The following FHIP1B variants were observed in gnomAD, a reference collection of about 807,000 sequenced individuals.
FHIP1B encodes FHF complex subunit HOOK-interacting protein 1B.
Under a neutral mutation model 82.2 loss-of-function variants are expected in FHIP1B, and 28 were observed. That is an observed-to-expected ratio of 0.34 (90% confidence interval 0.25 to 0.47). FHIP1B has a LOEUF of 0.47. FHIP1B is among the 20% of genes least tolerant of loss of function. The pLI is 1.00. For synonymous variants in FHIP1B, 585 were observed against 516.1 expected, an observed-to-expected ratio of 1.13 and a Z score of -1.81; for missense variants, 1,110 against 1,262.6, an observed-to-expected ratio of 0.88 and a Z score of 1.83.
In FHIP1B at chr11:6,211,467, C is replaced by T. The variant is rs767327639; in HGVS notation, c.*39G>A. On this transcript the variant is annotated 3_prime_UTR_variant, in exon 12 of 12. Coordinates refer to ENST00000449352, the MANE Select transcript of FHIP1B (RefSeq NM_001098794.2). The stretch of plus-strand genomic sequence containing the variant: ...AAAGGAGCCTGTGCCCTAGCCCCAG[C>T]CCGGGCCACCCATGGCCCTGATTGT... 1 of 1,529,066 alleles carries T rather than the reference C, an allele frequency of 6.5e-7. No homozygotes were observed. Among genetic ancestry groups the T allele is most frequent in the Non-Finnish European group, 8.8e-7 (1 of 1,142,776 alleles). 94.7% of individuals were successfully genotyped at this position (1,529,066 alleles called of 1,614,324 possible).
At chr11:6,222,949 G>C (rs375594878) in intron 4 of FHIP1B, 52 bp from the exon 5 acceptor site, 2 of 1,587,466 alleles carry the variant, frequency 1.3e-6, no homozygotes, top group Non-Finnish European at 1.7e-6. Context: ...CCACTGCCTG[G>C]AAGGGAGTAG....
At chr11:6,213,194 T>G (rs369879122) in intron 11 of FHIP1B, among the ~76,000 whole-genome samples, 274 of 152,348 alleles carry the variant, frequency 1.8e-3, no homozygotes, top group Non-Finnish European at 3.1e-3. Flanking sequence ...TACCTGAGAC[T>G]TCACAGCTGT....
chr11:6,211,473 C>A lies in FHIP1B; in HGVS notation c.*33G>T, dbSNP rs1440874227. ...GCCTGTGCCCTAGCCCCAGCCCGGG[C>A]CACCCATGGCCCTGATTGTCCATGG... On this transcript the variant is annotated 3_prime_UTR_variant, in exon 12 of 12. Transcript: ENST00000449352. 6.5e-7 allele frequency: 1 copy of A among 1,531,680 alleles called. No homozygotes were observed. The highest frequency in any genetic ancestry group is 2.2e-5 in the Admixed American group (1 of 44,554). 94.9% of individuals were successfully genotyped at this position (1,531,680 alleles called of 1,614,324 possible).
chr11:6,226,042 A>G (rs957550355), intron 1 of FHIP1B, among the ~76,000 whole-genome samples: 6 of 152,150 alleles, frequency 3.9e-5, no homozygotes, highest in Admixed American at 6.5e-5. Flanking sequence ...TGTCTCTCAC[A>G]AGCATAAAAC....
chr11:6,213,754 C>G (rs542441788), intron 11 of FHIP1B, among the ~76,000 whole-genome samples: 7 of 152,158 alleles, frequency 4.6e-5, no homozygotes, highest in Admixed American at 2.6e-4. Context: ...TTCCCTTCCA[C>G]GTCCACTATT....
chr11:6,222,990 C>A, intron 4 of FHIP1B, 90 bp downstream of exon 4: 4 of 1,578,490 alleles, frequency 2.5e-6, no homozygotes, highest in Non-Finnish European at 3.5e-6. Context: ...CATCCTACTT[C>A]CAAGATGGAA....
rs774428676 is a variant in FHIP1B, at chr11:6,217,505, G to A, written c.2081C>T (p.Ser694Phe). The A allele has an allele frequency of 1.9e-6, 3 of 1,612,532 alleles. No individual in the cohort carries two copies. The highest frequency in any genetic ancestry group is 1.7e-5 in the Admixed American group (1 of 59,932). ...ALSNGGTGSE[S>F]PLEPPLPLEE... ...AAGGGGCAGTGGAGGTTCTAAGGGGGACTCTGAGCCAGTTCCCCCATTGCT... is the reference window on the plus strand; with the variant it reads ...AAGGGGCAGTGGAGGTTCTAAGGGGAACTCTGAGCCAGTTCCCCCATTGCT... The change falls in exon 9 of 12, where the codon TCC becomes TTC. Residue 694 changes from serine to phenylalanine, a missense_variant. Ser to Phe is a radical substitution (Grantham distance 155, BLOSUM62 -2). Coordinates refer to ENST00000449352, the MANE Select transcript of FHIP1B (RefSeq NM_001098794.2).
chr11:6,217,640 A>G lies in FHIP1B; in HGVS notation c.1946T>C (p.Val649Ala), dbSNP rs1319689750. 6.2e-6 allele frequency: 10 copies of G among 1,613,804 alleles called. No individual in the cohort carries two copies. Among genetic ancestry groups the G allele is most frequent in the Non-Finnish European group, 8.5e-6 (10 of 1,179,920 alleles). Residue 649 changes from valine (V) to alanine (A), a missense_variant, in exon 9 of 12, where the codon GTT (valine) becomes GCT (alanine). Around this residue, in one of 6 missense-constraint regions of FHIP1B, gnomAD observed 418 missense variants for 371.4 expected, o/e 1.13. Transcript: ENST00000449352. ...AGCTCCCTCCTTTGGCACCAGACGAACCTTCTTGGCCCCCTCAGGCCATGA... is the reference window on the plus strand; with the variant it reads ...AGCTCCCTCCTTTGGCACCAGACGAGCCTTCTTGGCCCCCTCAGGCCATGA... ...PGSWPEGAKKVRLVPKEGAGE... is the reference protein window; with the variant it reads ...PGSWPEGAKKARLVPKEGAGE...
In FHIP1B at chr11:6,214,265, G is replaced by C. The variant is rs549310762; in HGVS notation, c.2557+146C>G. ...AGAACTATGTTCTGTCCCCTGACCA[G>C]AAGCCTGAGAACAAACATGAAGACT... On this transcript the variant is annotated intron_variant, in intron 11 of 11. Transcript: ENST00000449352. 6.1e-6 allele frequency: 6 copies of C among 989,196 alleles called. No homozygotes were observed. The African/African-American group carries it at 8.1e-5, about 13-fold the overall frequency. 61.3% of individuals were successfully genotyped at this position (989,196 alleles called of 1,614,324 possible).
intron 1 of FHIP1B, among the ~76,000 whole-genome samples, chr11:6,230,757 G>C (rs1020607683): frequency 3.9e-5 from 6 of 152,206 alleles, no homozygotes; most frequent in African/African-American, 1.2e-4. Context: ...AGGTGAAACT[G>C]AACTAGATCC....
At chr11:6,218,871 G>C (rs1340810977) in intron 7 of FHIP1B, 100 bp downstream of exon 7, 7 of 1,564,334 alleles carry the variant, frequency 4.5e-6, no homozygotes, top group South Asian at 1.1e-5. Flanking sequence ...GCTCCAAGTG[G>C]AAACTCATGA....
intron 11 of FHIP1B, 23 bp downstream of exon 11, chr11:6,214,388 G>T (rs116653213): frequency 6.3e-7 from 1 of 1,584,534 alleles, no homozygotes; most frequent in Admixed American, 1.8e-5. Context: ...GGGCAGGTAC[G>T]GGTGTGGTGG....
At chr11:6,214,673 A>G (rs966996219) in intron 10 of FHIP1B, 60 bp downstream of exon 10, 7 of 1,545,392 alleles carry the variant, frequency 4.5e-6, no homozygotes, top group Non-Finnish European at 6.1e-6. Context: ...GGGTCACTCC[A>G]GCTGCGGGCC....
chr11:6,218,040 A>T lies in FHIP1B; in HGVS notation c.1546T>A (p.Ser516Thr). 1 of 1,613,320 alleles carries T rather than the reference A, an allele frequency of 6.2e-7. No individual in the cohort carries two copies. The highest frequency in any genetic ancestry group is 8.5e-7 in the Non-Finnish European group (1 of 1,179,756). Residue 516 changes from serine to threonine, a missense_variant, in exon 9 of 12, where the codon TCT becomes ACT. Physicochemically the swap from Ser to Thr is moderately conservative, Grantham distance 58. This residue lies in a region of FHIP1B where 418 missense variants were observed against 371.4 expected (regional missense o/e 1.13). Transcript: ENST00000449352. ...GGTGAGCAAGGGGCTGGGCCTGGAG[A>T]CTCAGAGCCACCCAGGCTCTGCTGC... ...LRQQSLGGSE[S>T]PGPAPCSPGL... is the part of the protein sequence containing the mutation.
chr11:6,232,829 C>G (rs1363326052), intron 1 of FHIP1B, among the ~76,000 whole-genome samples: 1 of 151,954 alleles, frequency 6.6e-6, no homozygotes, highest in Non-Finnish European at 1.5e-5. Context: ...TGGGTTGACA[C>G]TTTTTATTTG....
In FHIP1B at chr11:6,223,946, C is replaced by A. The variant is rs1307815494; in HGVS notation, c.441G>T (p.Arg147=). The A allele has an allele frequency of 1.2e-6, 2 of 1,614,216 alleles. No individual in the cohort carries two copies. The highest frequency in any genetic ancestry group is 1.7e-6 in the Non-Finnish European group (2 of 1,180,030). ...LVSEARQPLL[R]HGPVREALLT... Reference sequence around the variant, plus strand: ...GCAGAGCCTCACGAACTGGACCATGCCGCAACAGTGGCTGGCGAGCTTCGC... The same window carrying A: ...GCAGAGCCTCACGAACTGGACCATGACGCAACAGTGGCTGGCGAGCTTCGC... Residue 147 remains arginine, a synonymous_variant, in exon 3 of 12, where the codon CGG becomes CGT. Coordinates refer to ENST00000449352, the MANE Select transcript of FHIP1B (RefSeq NM_001098794.2). The surrounding 1 kb of genome is among the most constrained non-coding windows in gnomAD (Gnocchi z 4.8).
In FHIP1B at chr11:6,223,327, T is replaced by C. The variant is rs1357744416; in HGVS notation, c.778-89A>G. 2.2e-6 allele frequency: 3 copies of C among 1,366,026 alleles called. No homozygotes were observed. The highest frequency in any genetic ancestry group is 1.3e-5 in the South Asian group (1 of 75,828). 84.6% of individuals were successfully genotyped at this position (1,366,026 alleles called of 1,614,324 possible). On this transcript the variant is annotated intron_variant, in intron 3 of 11. Transcript: ENST00000449352. The surrounding 1 kb of genome is among the most constrained non-coding windows in gnomAD (Gnocchi z 4.8). The stretch of plus-strand genomic sequence containing the variant: ...GGGAGCTAGTAATCCAGAGTTTTGA[T>C]GGGAATAGGGGTATAAGCTATTACC...
rs1276094162 is a variant in FHIP1B at position 6,217,119 on chromosome 11, G to GC, written c.2215+251dup. 8.5e-6 allele frequency: 6 copies of GC among 703,110 alleles called. No homozygotes were observed. The East Asian group carries it at 1.6e-4, about 19-fold the overall frequency. 43.6% of individuals were successfully genotyped at this position (703,110 alleles called of 1,614,324 possible). On this transcript the variant is annotated intron_variant, in intron 9 of 11. Coordinates refer to ENST00000449352, the MANE Select transcript of FHIP1B (RefSeq NM_001098794.2). ...CAGACTAGGGAAAGAGGAGGAACAT[G>GC]CACATAGGACATACATACAAGGCTC...
In FHIP1B at chr11:6,213,039, T is replaced by A. The variant is rs577226509; in HGVS notation, c.2558-1172A>T. ...ATTTATTTCTATGTCTTCTACCTCA[T>A]ACACTAACCTGTGAACTTAAGGGCC... On this transcript the variant is annotated intron_variant, in intron 11 of 11. Transcript: ENST00000449352. Among the ~76,000 whole-genome samples the A allele has an allele frequency of 6.0e-4, 92 of 152,364 alleles. 1 individual carries two copies. The South Asian group carries it at 9.9e-3, about 16-fold the overall frequency.
Sources: allele counts gnomAD v4.1 joint callset (sites outside exome capture counted in the v4.1 genomes callset), GRCh38; gene constraint gnomAD v4.1.1; regional missense constraint gnomAD v4.1.1; non-coding constraint Gnocchi (gnomAD v3.1); transcripts MANE v1.5; gene names NCBI Gene and HGNC (gene_info 2026-07-23, HGNC 2026-07-21).